Variants in MANBA observed in about 807,000 individuals in gnomAD.
MANBA encodes the protein mannosidase beta.
In MANBA, 83 loss-of-function variants were observed where a neutral mutation model predicts 111.1. The observed-to-expected ratio is 0.75, with a 90% confidence interval of 0.63 to 0.90. MANBA has a LOEUF of 0.90. Ranked by LOEUF, MANBA falls within the 40% of genes least tolerant of loss-of-function variation. MANBA has a pLI of 0.00. For synonymous variants in MANBA, 370 were observed against 378.7 expected (o/e 0.98, Z 0.27); for missense variants, 1,036 against 1,069.0 (o/e 0.97, Z 0.43).
At chr4:102,675,157 A>C (rs575970248) in intron 7 of MANBA, among the ~76,000 whole-genome samples, 7 of 152,344 alleles carry the variant, frequency 4.6e-5, no homozygotes, top group African/African-American at 1.7e-4. Context: ...TATCTAGAAC[A>C]GTGCATGGTT....
intron 1 of MANBA, among the ~76,000 whole-genome samples, chr4:102,759,709 C>G (rs1238202912): frequency 6.6e-6 from 1 of 152,076 alleles, no homozygotes; most frequent in Non-Finnish European, 1.5e-5. Context: ...TTTAAAACAC[C>G]AAACTAAGCA....
chr4:102,673,464 C>T (rs940989147), intron 8 of MANBA, among the ~76,000 whole-genome samples: 8 of 150,446 alleles, frequency 5.3e-5, no homozygotes, highest in East Asian at 3.9e-4. Context: ...GCTGAGATCA[C>T]GCGACTGCAC....
intron 11 of MANBA, among the ~76,000 whole-genome samples, chr4:102,660,996 A>G (rs151261771): frequency 2.0e-5 from 3 of 152,180 alleles, no homozygotes; most frequent in Non-Finnish European, 2.9e-5. Context: ...ACTCCATAAT[A>G]TGATTTAAAG....
At chr4:102,642,919 G>A (rs1030436609) in intron 13 of MANBA, among the ~76,000 whole-genome samples, 3 of 152,060 alleles carry the variant, frequency 2.0e-5, no homozygotes, top group Non-Finnish European at 2.9e-5. Context: ...AAATTATCCC[G>A]ACACTAAGAA....
At chr4:102,643,509 C>T (rs114454488) in intron 13 of MANBA, among the ~76,000 whole-genome samples, 214 of 152,270 alleles carry the variant, frequency 1.4e-3, no homozygotes, top group Non-Finnish European at 2.4e-3. Context: ...GTTTTACATT[C>T]CCACCAGCAA....
chr4:102,633,614 G>A (rs1262150434), intron 16 of MANBA: 1 of 394,606 alleles, frequency 2.5e-6, no homozygotes, highest in Non-Finnish European at 4.5e-6. Flanking sequence ...AGAAGGACAA[G>A]TCTCACTGAA....
intron 11 of MANBA, 120 bp downstream of exon 11, chr4:102,664,565 C>G (rs1731127405): frequency 3.5e-6 from 3 of 862,996 alleles, no homozygotes; most frequent in African/African-American, 1.7e-5. Context: ...GTCTCGATCT[C>G]CTGACCTTGT....
chr4:102,712,556 A>C, intron 5 of MANBA, among the ~76,000 whole-genome samples: 1 of 148,594 alleles, frequency 6.7e-6, no homozygotes, highest in African/African-American at 2.5e-5. Flanking sequence ...ATCTCGCTCC[A>C]TCACCCAGGC....
chr4:102,668,566 G>C (rs1311067638), intron 10 of MANBA: 1 of 213,624 alleles, frequency 4.7e-6, no homozygotes, highest in African/African-American at 2.3e-5. Context: ...ACTTTCTCCT[G>C]AGCAATTCAA....
intron 5 of MANBA, among the ~76,000 whole-genome samples, chr4:102,694,974 T>C (rs1349371570): frequency 6.6e-6 from 1 of 152,182 alleles, no homozygotes; most frequent in Non-Finnish European, 1.5e-5. Context: ...TTCTGGCCAC[T>C]AATTCGCTTT....
chr4:102,672,016 C>G (rs763609270), intron 8 of MANBA: 4 of 398,880 alleles, frequency 1.0e-5, no homozygotes, highest in Non-Finnish European at 1.3e-5. Flanking sequence ...TACCAATTGG[C>G]CCAGTTGGGC....
At chr4:102,744,076 G>T (rs935510368) in intron 1 of MANBA, among the ~76,000 whole-genome samples, 31 of 152,344 alleles carry the variant, frequency 2.0e-4, no homozygotes, top group African/African-American at 7.5e-4. Context: ...CTCAAAACTG[G>T]CAGCCTTTTG....
chr4:102,654,543 G>C (rs1028705761), intron 12 of MANBA, among the ~76,000 whole-genome samples: 3 of 152,140 alleles, frequency 2.0e-5, no homozygotes, highest in Admixed American at 2.0e-4. Context: ...TGTCTTAAAA[G>C]ACTTTTTTTG....
At chr4:102,731,301 T>C (rs1723026405) in intron 1 of MANBA, among the ~76,000 whole-genome samples, 1 of 152,184 alleles carries the variant, frequency 6.6e-6, no homozygotes, top group South Asian at 2.1e-4. Flanking sequence ...CATTGCCCTG[T>C]GGTTCTCACT....
intron 1 of MANBA, 62 bp downstream of exon 1, chr4:102,760,656 G>A: frequency 6.8e-7 from 1 of 1,469,978 alleles, no homozygotes; most frequent in Non-Finnish European, 9.1e-7. Flanking sequence ...CGGTTCCTGG[G>A]CCCCTCTCAG....
chr4:102,746,312 G>C lies in MANBA; in HGVS notation c.177+14406C>G, dbSNP rs534091511. ...GCTGTGCATGCACCTTTCGTTGCAG[G>C]TCAGCCACTCACATGATAAGAGCTT... On this transcript the variant is annotated intron_variant, in intron 1 of 16. Coordinates refer to ENST00000647097, the MANE Select transcript of MANBA (RefSeq NM_005908.4). 1.3e-3 allele frequency among the ~76,000 whole-genome samples: 204 copies of C among 152,280 alleles called. No individual in the cohort carries two copies. In the Middle Eastern group the frequency reaches 0.017, roughly 13 times the overall value.
chr4:102,730,074 A>C (rs1722973783), intron 1 of MANBA: 1 of 844,574 alleles, frequency 1.2e-6, no homozygotes, highest in Non-Finnish European at 1.9e-6. Context: ...TGAGGAGCTT[A>C]TCTGGACACT....
Position 102,714,448 on chromosome 4 carries a change from G to C in MANBA, c.663C>G (p.Ser221=). The C allele has an allele frequency of 6.2e-7, 1 of 1,605,186 alleles. No homozygotes were observed. The highest frequency in any genetic ancestry group is 8.5e-7 in the Non-Finnish European group (1 of 1,172,070). Residue 221 remains serine, a synonymous_variant, in exon 5 of 17, where the codon TCC becomes TCG. Coordinates refer to ENST00000647097, the MANE Select transcript of MANBA (RefSeq NM_005908.4). ...CATCTTTCAGCTTACCATATATTGG[G>C]GAAAATGTGAAGTAGTTCAGGTGAC... ...NICHLNYFTF[S]PIYDKSAQEW...
At chr4:102,736,119 G>A (rs1166492165) in intron 1 of MANBA, among the ~76,000 whole-genome samples, 2 of 152,154 alleles carry the variant, frequency 1.3e-5, no homozygotes, top group Non-Finnish European at 2.9e-5. Flanking sequence ...AGACTCTAAA[G>A]CTCAACTCAA....
Sources: gnomAD v4.1 joint callset for allele counts (sites outside exome capture counted in the v4.1 genomes callset) on GRCh38, gnomAD v4.1.1 for gene constraint, MANE v1.5 for transcripts, NCBI Gene and HGNC (gene_info 2026-07-23, HGNC 2026-07-21) for gene names.